Variants in ADAMTS3 observed in about 807,000 individuals in gnomAD.
ADAMTS3 encodes ADAM metallopeptidase with thrombospondin type 1 motif 3, also known as A disintegrin and metalloproteinase with thrombospondin motifs 3.
Under a neutral mutation model 129.0 loss-of-function variants are expected in ADAMTS3, and 73 were observed. That is an observed-to-expected ratio of 0.57 (90% confidence interval 0.47 to 0.69). The LOEUF (loss-of-function observed/expected upper bound fraction) is 0.69, where lower values mean the gene tolerates loss of function less well. Among genes scored for constraint, ADAMTS3 ranks in the 30% least tolerant of loss-of-function variants. The pLI is 0.00. For missense variants in ADAMTS3, 1,457 were observed against 1,514.5 expected, an observed-to-expected ratio of 0.96 and a Z score of 0.63; for synonymous variants, 477 against 510.8, an observed-to-expected ratio of 0.93 and a Z score of 0.89.
chr4:72,499,746 C>G (rs902476027), intron 3 of ADAMTS3, among the ~76,000 whole-genome samples: 1 of 152,042 alleles, frequency 6.6e-6, no homozygotes, highest in African/African-American at 2.4e-5. Context: ...GCACAATGCC[C>G]AATAGTTTTT....
intron 3 of ADAMTS3, among the ~76,000 whole-genome samples, chr4:72,529,484 G>C (rs1056247072): frequency 4.0e-5 from 6 of 150,812 alleles, no homozygotes; most frequent in Non-Finnish European, 5.9e-5. Flanking sequence ...TTATATATTA[G>C]AATCATTTGT....
chr4:72,285,483 T>C (rs1001325283), intron 21 of ADAMTS3, among the ~76,000 whole-genome samples: 4 of 152,136 alleles, frequency 2.6e-5, no homozygotes, highest in Admixed American at 1.3e-4. Flanking sequence ...TTGTCCTCTC[T>C]TTTTCCTCTA....
At chr4:72,312,634 C>T (rs1719273760) in intron 12 of ADAMTS3, among the ~76,000 whole-genome samples, 168 bp from the exon 13 acceptor site, 1 of 152,072 alleles carries the variant, frequency 6.6e-6, no homozygotes, top group African/African-American at 2.4e-5. Context: ...CCTTCTCTCC[C>T]TGCTGGGTGG....
intron 3 of ADAMTS3, among the ~76,000 whole-genome samples, chr4:72,479,219 A>G (rs531609404): frequency 8.2e-4 from 125 of 152,322 alleles, no homozygotes; most frequent in African/African-American, 3.0e-3. Context: ...GAACCAAAAA[A>G]GAGCCCGCAT....
chr4:72,311,050 C>T lies in ADAMTS3; in HGVS notation c.2053G>A (p.Val685Met). The change falls in exon 14 of 22, where the codon GTG (valine) becomes ATG (methionine). Residue 685 changes from valine to methionine, a missense_variant and splice_region_variant. Coordinates refer to ENST00000286657, the MANE Select transcript of ADAMTS3 (RefSeq NM_014243.3). ...TTGGGGAAGCAATTTGAACTTACCA[C>T]ACACTCTCCTCGCACACATATGCTA... ...PYSICVRGEC[V>M]KVGCDKEIGS... The T allele has an allele frequency of 6.3e-7, 1 of 1,595,884 alleles. No individual in the cohort carries two copies. Among genetic ancestry groups the T allele is most frequent in the Non-Finnish European group, 8.6e-7 (1 of 1,168,968 alleles).
At chr4:72,284,786 T>G (rs750503434) in intron 21 of ADAMTS3, among the ~76,000 whole-genome samples, 9 of 152,200 alleles carry the variant, frequency 5.9e-5, no homozygotes, top group Admixed American at 2.0e-4. Context: ...CTTTAAAATT[T>G]TATTGATTCC....
At position 72,281,315 on chromosome 4, in the gene ADAMTS3, T is replaced by C. The variant is rs993234147; in HGVS notation, c.*1821A>G. ...AAGTAGCAGCAATTCTTTAGAGGTA[T>C]AGAGTCAATAGTTTAAGCTGTTAGT... On this transcript the variant is annotated 3_prime_UTR_variant, in exon 22 of 22. Transcript: ENST00000286657. 4.6e-5 allele frequency: 7 copies of C among 152,610 alleles called. No homozygotes were observed. The highest frequency in any genetic ancestry group is 1.7e-4 in the African/African-American group (7 of 41,462). The allele number at this position is 152,610 out of a possible 1,614,324, so 9.5% of individuals were successfully genotyped here.
intron 3 of ADAMTS3, among the ~76,000 whole-genome samples, chr4:72,423,358 A>T (rs574410709): frequency 6.6e-6 from 1 of 152,296 alleles, no homozygotes. Context: ...ACATGTAAAT[A>T]TAATAGTCTA....
chr4:72,319,679 C>T (rs552092462), intron 8 of ADAMTS3, among the ~76,000 whole-genome samples, 179 bp downstream of exon 8: 1 of 152,316 alleles, frequency 6.6e-6, no homozygotes, highest in African/African-American at 2.4e-5. Flanking sequence ...AGTGCCTCTG[C>T]AAGCCAGTCA....
At chr4:72,459,587 T>C (rs533399296) in intron 3 of ADAMTS3, among the ~76,000 whole-genome samples, 1 of 151,552 alleles carries the variant, frequency 6.6e-6, no homozygotes, top group South Asian at 2.1e-4. Context: ...AATAACAAGA[T>C]TGAGAAAATG....
chr4:72,525,218 T>C (rs1485100320), intron 3 of ADAMTS3, among the ~76,000 whole-genome samples: 2 of 152,156 alleles, frequency 1.3e-5, no homozygotes, highest in Non-Finnish European at 2.9e-5. Flanking sequence ...TCAAAACAGG[T>C]AGAGCCTAAA....
intron 3 of ADAMTS3, among the ~76,000 whole-genome samples, chr4:72,432,216 G>C (rs1722718751): frequency 6.6e-6 from 1 of 151,902 alleles, no homozygotes; most frequent in African/African-American, 2.4e-5. Flanking sequence ...GTGGCTGGAA[G>C]TGATAAATGC....
intron 21 of ADAMTS3, 146 bp from the exon 22 acceptor site, chr4:72,283,850 A>C (rs1718426345): frequency 4.9e-6 from 3 of 611,846 alleles, no homozygotes; most frequent in Admixed American, 3.4e-5. Flanking sequence ...TTTTGCATTA[A>C]AAATATGAAT....
chr4:72,291,323 C>T (rs1241839304), intron 19 of ADAMTS3, among the ~76,000 whole-genome samples: 3 of 151,902 alleles, frequency 2.0e-5, no homozygotes, highest in Non-Finnish European at 4.4e-5. Flanking sequence ...CATATGTATA[C>T]ATGTGCCATG....
intron 4 of ADAMTS3, among the ~76,000 whole-genome samples, chr4:72,351,301 C>T (rs191088762): frequency 1.9e-4 from 29 of 152,026 alleles, no homozygotes; most frequent in African/African-American, 5.3e-4. Context: ...CTTGGATTTA[C>T]AGGCATGTTA....
intron 5 of ADAMTS3, among the ~76,000 whole-genome samples, chr4:72,323,718 G>A (rs1310612506): frequency 6.6e-6 from 1 of 152,104 alleles, no homozygotes; most frequent in Non-Finnish European, 1.5e-5. Context: ...TGTCAGCCCT[G>A]GATGCAACTC....
At chr4:72,393,227 A>C (rs1212469505) in intron 4 of ADAMTS3, among the ~76,000 whole-genome samples, 1 of 152,228 alleles carries the variant, frequency 6.6e-6, no homozygotes, top group Admixed American at 6.5e-5. Flanking sequence ...CCTGGCCTCC[A>C]TCAGATATTT....
At chr4:72,534,158 T>A (rs1044381347) in intron 3 of ADAMTS3, among the ~76,000 whole-genome samples, 16 of 152,038 alleles carry the variant, frequency 1.1e-4, no homozygotes, top group Non-Finnish European at 2.1e-4. Flanking sequence ...AAAACCCGTC[T>A]CTACTAAAAA....
chr4:72,331,643 T>C (rs1444882979), intron 5 of ADAMTS3, among the ~76,000 whole-genome samples: 1 of 152,146 alleles, frequency 6.6e-6, no homozygotes, highest in Non-Finnish European at 1.5e-5. Context: ...CTTTCAATTT[T>C]ACCATGCAGA....
Sources: allele counts gnomAD v4.1 joint callset (sites outside exome capture counted in the v4.1 genomes callset), GRCh38; gene constraint gnomAD v4.1.1; transcripts MANE v1.5; gene names NCBI Gene and HGNC (gene_info 2026-07-23, HGNC 2026-07-21).